Variants in AUTS2 observed in about 807,000 individuals in gnomAD.
AUTS2 encodes autism susceptibility gene 2 protein.
A neutral mutation model predicts 112.4 loss-of-function variants in AUTS2; 17 were observed. The ratio of observed to expected loss-of-function variants is 0.15; its 90% CI spans 0.10 to 0.23. The LOEUF (loss-of-function observed/expected upper bound fraction) is 0.23. Ranked by LOEUF, AUTS2 falls within the 10% of genes least tolerant of loss-of-function variation. AUTS2 has a pLI of 1.00. For synonymous variants in AUTS2, 751 were observed against 702.7 expected (o/e 1.07, Z -1.09); for missense variants, 1,510 against 1,701.6 (o/e 0.89, Z 1.98).
At chr7:69,698,909 A>G (rs1797677210) in intron 1 of AUTS2, among the ~76,000 whole-genome samples, 1 of 152,222 alleles carries the variant, frequency 6.6e-6, no homozygotes, top group Non-Finnish European at 1.5e-5. Context: ...CAGATCATCT[A>G]ACATAGGAGG....
chr7:70,113,935 T>G (rs899487000), intron 2 of AUTS2, among the ~76,000 whole-genome samples: 1 of 152,224 alleles, frequency 6.6e-6, no homozygotes, highest in African/African-American at 2.4e-5. Context: ...TGGATCGTTA[T>G]TTTCCTAATT....
rs141638049 is a variant in AUTS2 at position 70,498,431 on chromosome 7, A to C, written c.690+62650A>C. On this transcript the variant is annotated intron_variant, in intron 5 of 18. Transcript: ENST00000342771. ...TGGAAAAAAGCAGAATTGCTTTGGC[A>C]CTGATTGGGTCTTGGGGTGGTGACT... Among the ~76,000 whole-genome samples, 271 of 152,226 alleles carry C rather than the reference A, an allele frequency of 1.8e-3. 1 individual carries two copies. The highest frequency in any genetic ancestry group is 6.2e-3 in the African/African-American group (256 of 41,518).
At chr7:70,653,733 C>G (rs1806628229) in intron 5 of AUTS2, among the ~76,000 whole-genome samples, 1 of 152,178 alleles carries the variant, frequency 6.6e-6, no homozygotes. Flanking sequence ...GGATGAATGA[C>G]TAAATAAATC....
intron 2 of AUTS2, among the ~76,000 whole-genome samples, chr7:70,028,081 C>CTTGCTTGCACACACGTGCATACTT (rs1800605880): frequency 6.6e-6 from 1 of 151,518 alleles, no homozygotes; most frequent in African/African-American, 2.4e-5. Flanking sequence ...CCACCCTCAT[C>CTTGCTTGCACACACGTGCATACTT]TTGCTTGCAC....
In AUTS2 at chr7:70,790,727, C is replaced by T. The variant is rs778581827; in HGVS notation, c.3511C>T (p.His1171Tyr). The T allele has an allele frequency of 6.2e-7, 1 of 1,613,622 alleles. No individual in the cohort carries two copies. Among genetic ancestry groups the T allele is most frequent in the Non-Finnish European group, 8.5e-7 (1 of 1,179,976 alleles). Residue 1171 changes from histidine (H) to tyrosine (Y), a missense_variant, in exon 19 of 19, where the codon CAC becomes TAC. Around this residue, in one of 3 missense-constraint regions of AUTS2, gnomAD observed 788 missense variants for 797.6 expected, o/e 0.99. Coordinates refer to ENST00000342771, the MANE Select transcript of AUTS2 (RefSeq NM_015570.4). This position sits in a 1 kb window ranked among gnomAD's most constrained non-coding sequence, Gnocchi z 7.6. ...CGAGCACACGCGGCTCCACTCCGTG[C>T]ACCCCGCCTCCCTCGACGGACACCT... Reference protein sequence around the residue: ...DYEHTRLHSVHPASLDGHLPH... With the variant: ...DYEHTRLHSVYPASLDGHLPH...
chr7:70,157,734 C>T (rs967073943), intron 4 of AUTS2, among the ~76,000 whole-genome samples: 3 of 152,184 alleles, frequency 2.0e-5, no homozygotes, highest in Admixed American at 2.0e-4. Flanking sequence ...TTATAGCAAA[C>T]ATGATGTAGA....
intron 4 of AUTS2, among the ~76,000 whole-genome samples, chr7:70,272,688 C>T (rs572827664): frequency 1.3e-5 from 2 of 152,130 alleles, no homozygotes; most frequent in Admixed American, 6.5e-5. Flanking sequence ...GAACAGATTT[C>T]GGCTCTCATA....
chr7:69,848,032 G>A (rs73440130), intron 1 of AUTS2, among the ~76,000 whole-genome samples: 1,560 of 152,292 alleles, frequency 0.01, 39 homozygotes, highest in African/African-American at 0.035. Context: ...CTGAGGCATG[G>A]GATAGAGAAC....
At chr7:69,622,649 A>C (rs772604666) in intron 1 of AUTS2, among the ~76,000 whole-genome samples, 2 of 152,218 alleles carry the variant, frequency 1.3e-5, no homozygotes, top group African/African-American at 2.4e-5. Flanking sequence ...GCCACAGATA[A>C]TTTGATTTCA....
chr7:69,605,459 G>A (rs1166089347), intron 1 of AUTS2, among the ~76,000 whole-genome samples: 7 of 152,130 alleles, frequency 4.6e-5, no homozygotes. Flanking sequence ...AGCTCTTTCA[G>A]TGTGATGATA....
At chr7:70,686,923 G>A (rs998161345) in intron 5 of AUTS2, among the ~76,000 whole-genome samples, 5 of 152,042 alleles carry the variant, frequency 3.3e-5, no homozygotes, top group South Asian at 2.1e-4. Context: ...CTTCTTTTCC[G>A]CTGAACACAT....
chr7:69,706,100 G>T (rs181286392), intron 1 of AUTS2, among the ~76,000 whole-genome samples: 1 of 152,252 alleles, frequency 6.6e-6, no homozygotes, highest in East Asian at 1.9e-4. Flanking sequence ...TTTTCCTCTT[G>T]TTGTCTTTCT....
intron 2 of AUTS2, among the ~76,000 whole-genome samples, chr7:69,991,101 G>C (rs939636170): frequency 2.0e-5 from 3 of 152,134 alleles, no homozygotes. Context: ...ATGAAAGAGA[G>C]TCTGGGAACT....
chr7:70,036,114 G>A (rs1447831136), intron 2 of AUTS2, among the ~76,000 whole-genome samples: 3 of 152,282 alleles, frequency 2.0e-5, no homozygotes, highest in Middle Eastern at 3.4e-3. Context: ...AGGTAGCGGC[G>A]CCGGCCAGAG....
At chr7:70,704,257 G>T (rs1585538751) in intron 6 of AUTS2, among the ~76,000 whole-genome samples, 1 of 152,318 alleles carries the variant, frequency 6.6e-6, no homozygotes, top group East Asian at 1.9e-4. Flanking sequence ...ATTGTGAACC[G>T]GGTGGAAGAT....
chr7:70,010,302 C>G (rs1236433178), intron 2 of AUTS2, among the ~76,000 whole-genome samples: 1 of 152,140 alleles, frequency 6.6e-6, no homozygotes, highest in Non-Finnish European at 1.5e-5. Flanking sequence ...TGTGCCACCA[C>G]ATCCAGATAA....
At chr7:69,732,393 G>T (rs867419492) in intron 1 of AUTS2, among the ~76,000 whole-genome samples, 14 of 152,126 alleles carry the variant, frequency 9.2e-5, no homozygotes, top group Non-Finnish European at 1.3e-4. Context: ...TGGATTTGGG[G>T]GTGTGTGATC....
chr7:70,620,186 CAGA>C (rs1453094353), intron 5 of AUTS2, among the ~76,000 whole-genome samples: 1 of 152,180 alleles, frequency 6.6e-6, no homozygotes, highest in Non-Finnish European at 1.5e-5. Flanking sequence ...ATTTATAGAA[CAGA>C]CACCTTCCTG....
chr7:70,148,693 T>G (rs1189191401), intron 4 of AUTS2, among the ~76,000 whole-genome samples: 1 of 152,032 alleles, frequency 6.6e-6, no homozygotes. Context: ...TCTGTTCTAC[T>G]GTGTTACTGA....
Sources: allele counts gnomAD v4.1 joint callset (sites outside exome capture counted in the v4.1 genomes callset), GRCh38; gene constraint gnomAD v4.1.1; regional missense constraint gnomAD v4.1.1; non-coding constraint Gnocchi (gnomAD v3.1); transcripts MANE v1.5; gene names NCBI Gene and HGNC (gene_info 2026-07-23, HGNC 2026-07-21).